Variants in ELOVL6 observed in about 807,000 individuals in gnomAD.
ELOVL6 encodes the protein ELOVL fatty acid elongase 6.
Under a neutral mutation model 31.7 loss-of-function variants are expected in ELOVL6, and 8 were observed. The ratio of observed to expected loss-of-function variants is 0.25; its 90% CI spans 0.15 to 0.45. The LOEUF (loss-of-function observed/expected upper bound fraction) is 0.45. Among genes scored for constraint, ELOVL6 ranks in the 20% least tolerant of loss-of-function variants. ELOVL6 has a pLI of 1.00. For synonymous variants in ELOVL6, 101 were observed against 117.7 expected, an observed-to-expected ratio of 0.86 and a Z score of 0.92; for missense variants, 126 against 326.4, an observed-to-expected ratio of 0.39 and a Z score of 4.73.
intron 2 of ELOVL6, among the ~76,000 whole-genome samples, chr4:110,067,304 T>C (rs1433903434): frequency 3.9e-5 from 6 of 152,202 alleles, no homozygotes; most frequent in African/African-American, 1.4e-4. Flanking sequence ...CCCCAACACC[T>C]TGTGGATCAA....
chr4:110,062,882 T>A (rs531918438), intron 2 of ELOVL6, among the ~76,000 whole-genome samples: 1 of 152,296 alleles, frequency 6.6e-6, no homozygotes, highest in East Asian at 1.9e-4. Context: ...TATTTTTTCC[T>A]CTGAAATGAG....
chr4:110,190,534 T>TCAC (rs1221417358), intron 1 of ELOVL6, among the ~76,000 whole-genome samples: 1 of 152,200 alleles, frequency 6.6e-6, no homozygotes, highest in Non-Finnish European at 1.5e-5. Flanking sequence ...AGACGGAGTC[T>TCAC]CACTCTGTTG....
chr4:110,087,551 A>G (rs1389144016), intron 2 of ELOVL6, among the ~76,000 whole-genome samples: 3 of 152,166 alleles, frequency 2.0e-5, no homozygotes, highest in South Asian at 2.1e-4. Context: ...CCAATACAGG[A>G]AACAATAAAA....
chr4:110,187,804 T>C (rs1431963377), intron 1 of ELOVL6, among the ~76,000 whole-genome samples: 1 of 152,106 alleles, frequency 6.6e-6, no homozygotes, highest in East Asian at 1.9e-4. Context: ...CTGAATGGTC[T>C]AAGGCATACT....
chr4:110,092,437 A>G (rs1389693829), intron 2 of ELOVL6, among the ~76,000 whole-genome samples: 1 of 152,218 alleles, frequency 6.6e-6, no homozygotes. Flanking sequence ...ATATAACCAT[A>G]CGGCGGGTGA....
intron 1 of ELOVL6, among the ~76,000 whole-genome samples, chr4:110,140,413 G>A (rs934895102): frequency 1.4e-4 from 22 of 152,066 alleles, no homozygotes; most frequent in Admixed American, 3.3e-4. Context: ...TAATTAAATT[G>A]TATTTTTGTT....
chr4:110,114,666 A>G (rs1226318196), intron 1 of ELOVL6, among the ~76,000 whole-genome samples: 5 of 152,166 alleles, frequency 3.3e-5, no homozygotes, highest in Non-Finnish European at 7.3e-5. Context: ...TTGAATATAA[A>G]AACCTGTTTC....
chr4:110,053,993 A>T (rs1490262898), intron 3 of ELOVL6, among the ~76,000 whole-genome samples: 23 of 151,750 alleles, frequency 1.5e-4, no homozygotes, highest in African/African-American at 4.8e-4. Flanking sequence ...CCAGCTACTC[A>T]GGAGGCTGAG....
intron 2 of ELOVL6, among the ~76,000 whole-genome samples, chr4:110,083,149 A>G (rs1409744158): frequency 6.6e-6 from 1 of 151,820 alleles, no homozygotes. Context: ...AAAAAGACAA[A>G]TCAATTTTCA....
At chr4:110,105,729 T>C in intron 1 of ELOVL6, 101 bp from the exon 2 acceptor site, 3 of 1,084,186 alleles carry the variant, frequency 2.8e-6, no homozygotes, top group Non-Finnish European at 4.0e-6. Context: ...AAAATATTCT[T>C]GAGAATATTC....
At chr4:110,133,295 G>A (rs1276518793) in intron 1 of ELOVL6, among the ~76,000 whole-genome samples, 1 of 152,146 alleles carries the variant, frequency 6.6e-6, no homozygotes, top group African/African-American at 2.4e-5. Flanking sequence ...GTCTGTGAAT[G>A]GATCATTCAT....
chr4:110,168,955 G>C (rs1377477855), intron 1 of ELOVL6, among the ~76,000 whole-genome samples: 1 of 148,648 alleles, frequency 6.7e-6, no homozygotes, highest in East Asian at 1.9e-4. Context: ...CGTCCAGTAA[G>C]TCTTTTTTAA....
intron 2 of ELOVL6, among the ~76,000 whole-genome samples, chr4:110,084,331 A>G (rs1261083716): frequency 1.5e-5 from 2 of 135,126 alleles, no homozygotes; most frequent in African/African-American, 2.8e-5. Context: ...AATTTGATAT[A>G]TATCACATAT....
intron 2 of ELOVL6, among the ~76,000 whole-genome samples, chr4:110,084,076 CTA>C (rs1491261837): frequency 6.0e-5 from 1 of 16,702 alleles, no homozygotes; most frequent in Non-Finnish European, 1.0e-4. Context: ...CATATATATG[CTA>C]TATATGATAT....
At chr4:110,153,661 C>T (rs1381862178) in intron 1 of ELOVL6, among the ~76,000 whole-genome samples, 2 of 152,056 alleles carry the variant, frequency 1.3e-5, no homozygotes, top group Non-Finnish European at 2.9e-5. Context: ...TTCTTGGCAC[C>T]CTGAAATTGA....
intron 2 of ELOVL6, among the ~76,000 whole-genome samples, chr4:110,073,311 AT>A (rs879322313): frequency 0.035 from 5,211 of 147,238 alleles, 248 homozygotes; most frequent in African/African-American, 0.11. Flanking sequence ...TCACAGAGGC[AT>A]TTTTTTTTTT....
chr4:110,084,137 G>GATATATATAACATATATGTGATT (rs1208624293), intron 2 of ELOVL6, among the ~76,000 whole-genome samples: 1 of 60,908 alleles, frequency 1.6e-5, no homozygotes, highest in Admixed American at 2.1e-4. Flanking sequence ...ATGTGATAAT[G>GATATATATAACATATATGTGATT]ATATATATGA....
chr4:110,070,996 T>G (rs1755463557), intron 2 of ELOVL6, among the ~76,000 whole-genome samples: 1 of 152,158 alleles, frequency 6.6e-6, no homozygotes, highest in South Asian at 2.1e-4. Context: ...ATATATAACA[T>G]TATCTGTATA....
At chr4:110,074,070 A>G (rs915344225) in intron 2 of ELOVL6, among the ~76,000 whole-genome samples, 39 of 152,198 alleles carry the variant, frequency 2.6e-4, no homozygotes, top group African/African-American at 9.2e-4. Context: ...ATTTTCAACC[A>G]ACAGAATTGC....
Sources: gnomAD v4.1 joint callset for allele counts (sites outside exome capture counted in the v4.1 genomes callset) on GRCh38, gnomAD v4.1.1 for gene constraint, MANE v1.5 for transcripts, NCBI Gene and HGNC (gene_info 2026-07-23, HGNC 2026-07-21) for gene names.